DTD2: variants seen among roughly 807,000 people sequenced by gnomAD.
DTD2 encodes D-aminoacyl-tRNA deacylase 2, also known as D-tyrosyl-tRNA deacylase 2 (putative).
In DTD2, 12 loss-of-function variants were observed where a neutral mutation model predicts 15.5. The observed-to-expected ratio is 0.77, with a 90% CI of 0.50 to 1.25. DTD2 has a LOEUF of 1.25. DTD2 is among the 50% of genes most tolerant of loss of function. The pLI, the probability that DTD2 is intolerant of heterozygous loss-of-function variation, is 0.00. For missense variants in DTD2, 170 were observed against 201.1 expected, an observed-to-expected ratio of 0.85 and a Z score of 0.93; for synonymous variants, 59 against 77.3, an observed-to-expected ratio of 0.76 and a Z score of 1.24.
rs191498050 is a variant in DTD2 at position 31,450,975 on chromosome 14, G to A, written c.181+2300C>T. Among the ~76,000 whole-genome samples the A allele has an allele frequency of 5.0e-3, 764 of 152,194 alleles. 4 individuals carry two copies. Among genetic ancestry groups the A allele is most frequent in the Non-Finnish European group, 7.1e-3 (485 of 68,000 alleles). On this transcript the variant is annotated intron_variant, in intron 2 of 2. Transcript: ENST00000310850. ...ACTTTATGAAGTCAATCTTAAGTCA[G>A]AATGACAAATACTTTCTTCCTGTTT...
intron 2 of DTD2, 56 bp from the exon 3 acceptor site, chr14:31,448,510 C>G: frequency 6.8e-7 from 1 of 1,480,758 alleles, no homozygotes; most frequent in Non-Finnish European, 9.1e-7. Flanking sequence ...ATGAAGAAAA[C>G]CATCAAGTTT....
At chr14:31,448,603 G>A (rs77542155) in intron 2 of DTD2, 149 bp from the exon 3 acceptor site, 8,268 of 645,594 alleles carry the variant, frequency 0.013, 394 homozygotes, top group Admixed American at 0.12. Flanking sequence ...TTAAAATACT[G>A]CTTCACTAAG....
chr14:31,453,488 G>A, intron 1 of DTD2, 144 bp from the exon 2 acceptor site: 1 of 621,568 alleles, frequency 1.6e-6, no homozygotes, highest in Non-Finnish European at 2.6e-6. Context: ...GATTTCTCAT[G>A]TGAGAAAACA....
At chr14:31,451,104 T>C (rs534811883) in intron 2 of DTD2, among the ~76,000 whole-genome samples, 82 of 152,018 alleles carry the variant, frequency 5.4e-4, no homozygotes, top group African/African-American at 1.9e-3. Flanking sequence ...CATTAGGATC[T>C]GACAATTATT....
chr14:31,450,000 A>C (rs972436928), intron 2 of DTD2, among the ~76,000 whole-genome samples: 1 of 152,212 alleles, frequency 6.6e-6, no homozygotes, highest in African/African-American at 2.4e-5. Flanking sequence ...AGTTTTCTCT[A>C]TTACAAATAG....
chr14:31,448,382 C>A lies in DTD2; in HGVS notation c.254G>T (p.Gly85Val). The part of the protein sequence containing the change: ...GKHVSILDLP[G>V]NILIIPQATL... ...AGCTTGAGGGATAATAAGAATGTTG[C>A]CAGGTAGATCCAATATAGAGACATG... Residue 85 changes from glycine (G) to valine (V), a missense_variant, in exon 3 of 3, where the codon GGC becomes GTC. Gly to Val is a moderately radical substitution (Grantham distance 109). Transcript: ENST00000310850. 6.2e-7 allele frequency: 1 copy of A among 1,614,054 alleles called. No individual in the cohort carries two copies. The highest frequency in any genetic ancestry group is 8.5e-7 in the Non-Finnish European group (1 of 1,180,014).
Position 31,455,441 on chromosome 14 carries a change from CT to C in DTD2, c.111+1841del, listed in dbSNP as rs371030009. Among the ~76,000 whole-genome samples the C allele has an allele frequency of 2.3e-4, 33 of 145,432 alleles. 1 individual carries two copies. The East Asian group carries it at 6.1e-3, about 27-fold the overall frequency. On this transcript the variant is annotated intron_variant, in intron 1 of 2. Transcript: ENST00000310850. ...TGGTGGGCGCCTGTGGTCCCAGCTG[CT>C]TGGGAGGCTGAGGCAGGAGAATGGC...
At position 31,446,902 on chromosome 14, in the gene DTD2, A is replaced by G. The variant is rs2031966142; in HGVS notation, c.*1227T>C. On this transcript the variant is annotated 3_prime_UTR_variant, in exon 3 of 3. Coordinates refer to ENST00000310850, the MANE Select transcript of DTD2 (RefSeq NM_080664.3). ...AAGGAACTTCTTAAACAATTTATGA[A>G]CTAACACTAATTTCATGAACCAGTT... 1 of 152,240 alleles carries G rather than the reference A, an allele frequency of 6.6e-6. No homozygotes were observed. Among genetic ancestry groups the G allele is most frequent in the Admixed American group, 6.5e-5 (1 of 15,288 alleles). 9.4% of individuals were successfully genotyped at this position (152,240 alleles called of 1,614,324 possible).
At chr14:31,456,982 G>A (rs1007573980) in intron 1 of DTD2, 1 of 437,882 alleles carries the variant, frequency 2.3e-6, no homozygotes, top group Non-Finnish European at 4.2e-6. Context: ...GCTGCAAGGG[G>A]TCTGAGACAG....
chr14:31,453,878 ATTG>A (rs1429686063), intron 1 of DTD2, among the ~76,000 whole-genome samples: 1 of 152,156 alleles, frequency 6.6e-6, no homozygotes, highest in Non-Finnish European at 1.5e-5. Flanking sequence ...TGTTGTTGTT[ATTG>A]TTGTTAATGC....
intron 1 of DTD2, among the ~76,000 whole-genome samples, chr14:31,456,270 C>G (rs1397807286): frequency 6.6e-6 from 1 of 152,092 alleles, no homozygotes; most frequent in African/African-American, 2.4e-5. Context: ...CCTGTTGTCC[C>G]AGCTACTCGG....
chr14:31,455,494 T>C (rs2032084460), intron 1 of DTD2, among the ~76,000 whole-genome samples: 1 of 128,356 alleles, frequency 7.8e-6, no homozygotes, highest in African/African-American at 3.1e-5. Context: ...GAGGTTGCAG[T>C]GAGCCGAGAT....
chr14:31,456,063 TAATCACCCACA>T (rs2032091787), intron 1 of DTD2, among the ~76,000 whole-genome samples: 1 of 152,204 alleles, frequency 6.6e-6, no homozygotes, highest in Admixed American at 6.5e-5. Context: ...GATTTTAGAA[TAATCACCCACA>T]CATCATATAG....
intron 1 of DTD2, among the ~76,000 whole-genome samples, chr14:31,454,477 T>C (rs17097901): frequency 0.015 from 2,219 of 152,294 alleles, 59 homozygotes; most frequent in East Asian, 0.07. Flanking sequence ...ACTGAAACAA[T>C]AGGCAAGGGC....
intron 1 of DTD2, among the ~76,000 whole-genome samples, chr14:31,456,041 G>A (rs1489960146): frequency 6.6e-6 from 1 of 152,112 alleles, no homozygotes; most frequent in African/African-American, 2.4e-5. Context: ...TTAGCACAGG[G>A]CAACAGATTC....
At position 31,448,402 on chromosome 14, in the gene DTD2, G is replaced by C. The variant is rs369632474; in HGVS notation, c.234C>G (p.Val78=). ...TGTTGCCAGGTAGATCCAATATAGAGACATGCTTGCCATTTTCTGTCTCAC... is the reference window on the plus strand; with the variant it reads ...TGTTGCCAGGTAGATCCAATATAGACACATGCTTGCCATTTTCTGTCTCAC... ...KLSETENGKH[V]SILDLPGNIL... Residue 78 remains valine, a synonymous_variant, in exon 3 of 3, where the codon GTC becomes GTG. Transcript: ENST00000310850. 1.9e-6 allele frequency: 3 copies of C among 1,613,798 alleles called. No individual in the cohort carries two copies. Among genetic ancestry groups the C allele is most frequent in the African/African-American group, 2.7e-5 (2 of 74,900 alleles).
chr14:31,452,560 T>C (rs1958028), intron 2 of DTD2: 144,797 of 152,294 alleles, frequency 0.95, 69,181 homozygotes, highest in Non-Finnish European at 1. Context: ...TAATTAATAA[T>C]TTAACAGCAC....
Position 31,448,056 on chromosome 14 carries a change from A to T in DTD2, c.*73T>A. On this transcript the variant is annotated 3_prime_UTR_variant, in exon 3 of 3. Transcript: ENST00000310850. ...CTGAAGATTAGTATATTCAAGATTAAGGGGAAGAAAATCTAATTATACTTT... is the reference window on the plus strand; with the variant it reads ...CTGAAGATTAGTATATTCAAGATTATGGGGAAGAAAATCTAATTATACTTT... The T allele has an allele frequency of 7.7e-7, 1 of 1,299,110 alleles. No homozygotes were observed. Among genetic ancestry groups the T allele is most frequent in the Non-Finnish European group, 1.1e-6 (1 of 935,800 alleles). 80.5% of individuals were successfully genotyped at this position (1,299,110 alleles called of 1,614,324 possible).
Position 31,448,153 on chromosome 14 carries a change from T to C in DTD2, c.483A>G (p.Pro161=). The change falls in exon 3 of 3, where the codon CCA becomes CCG. Residue 161 remains proline, a synonymous_variant. Coordinates refer to ENST00000310850, the MANE Select transcript of DTD2 (RefSeq NM_080664.3). The stretch of plus-strand genomic sequence containing the variant: ...TTCAAAACTCAATTAAGTGTGTGAA[T>C]GGTCCGTTGGTGTCCAGCTTTAACA... The part of the protein sequence containing the change: ...RQVLKLDTNG[P]FTHLIEF The C allele has an allele frequency of 6.2e-7, 1 of 1,610,134 alleles. No individual in the cohort carries two copies. Among genetic ancestry groups the C allele is most frequent in the East Asian group, 2.2e-5 (1 of 44,820 alleles).
Sources: allele counts gnomAD v4.1 joint callset (sites outside exome capture counted in the v4.1 genomes callset), GRCh38; gene constraint gnomAD v4.1.1; transcripts MANE v1.5; gene names NCBI Gene and HGNC (gene_info 2026-07-23, HGNC 2026-07-21).